The following LYRM7 variants were observed in gnomAD, a reference collection of about 807,000 sequenced individuals.
LYRM7 encodes the protein LYR motif containing 7, also known as complex III assembly factor LYRM7.
In LYRM7, 9 loss-of-function variants were observed where a neutral mutation model predicts 15.8. The ratio of observed to expected loss-of-function variants is 0.57; its 90% CI spans 0.34 to 0.99. The LOEUF (loss-of-function observed/expected upper bound fraction) is 0.99, where lower values mean the gene tolerates loss of function less well. Among genes scored for constraint, LYRM7 ranks in the 50% least tolerant of loss-of-function variants. The pLI is 0.02. For synonymous variants in LYRM7, 39 were observed against 39.4 expected (o/e 0.99, Z 0.04); for missense variants, 115 against 119.1 (o/e 0.97, Z 0.16).
chr5:131,200,020 A>C lies in LYRM7; in HGVS notation c.*419A>C, dbSNP rs1756033420. On this transcript the variant is annotated 3_prime_UTR_variant, in exon 5 of 5. Transcript: ENST00000379380. The stretch of plus-strand genomic sequence containing the variant: ...TTAAAATGATATTTAGTCCTGAAAA[A>C]TATTAAATTGGTCAAAAAAATCACA... The C allele has an allele frequency of 6.6e-6, 1 of 150,658 alleles. No homozygotes were observed. The highest frequency in any genetic ancestry group is 1.5e-5 in the Non-Finnish European group (1 of 67,990). The allele number at this position is 150,658 out of a possible 1,614,324, so 9.3% of individuals were successfully genotyped here. A position where few individuals can be genotyped will look rare whatever the true frequency, so the allele number is the denominator to read the frequency against.
intron 4 of LYRM7, among the ~76,000 whole-genome samples, chr5:131,193,821 TC>T (rs1310693533): frequency 6.6e-6 from 1 of 151,948 alleles, no homozygotes; most frequent in Non-Finnish European, 1.5e-5. Context: ...ACCAGCCTGA[TC>T]AACATGGAGA....
At chr5:131,196,795 T>G (rs1436784800) in intron 4 of LYRM7, among the ~76,000 whole-genome samples, 1 of 152,058 alleles carries the variant, frequency 6.6e-6, no homozygotes, top group Admixed American at 6.6e-5. Context: ...GCCTCCCTGG[T>G]AGCTGGTGCC....
intron 4 of LYRM7, among the ~76,000 whole-genome samples, chr5:131,193,490 T>C (rs1412325778): frequency 1.3e-5 from 2 of 152,234 alleles, no homozygotes; most frequent in Admixed American, 1.3e-4. Context: ...TTTCCCTAAT[T>C]TGAAGTCATC....
Position 131,200,878 on chromosome 5 carries a change from T to C in LYRM7, c.*1277T>C, listed in dbSNP as rs1756050684. On this transcript the variant is annotated 3_prime_UTR_variant, in exon 5 of 5. Transcript: ENST00000379380. Reference sequence around the variant, plus strand: ...ATTGAATATTTTATCACTGAGCTTTTTTCTTTAACCTGAATTCCCTGTTCC... The same window carrying C: ...ATTGAATATTTTATCACTGAGCTTTCTTCTTTAACCTGAATTCCCTGTTCC... 6.6e-6 allele frequency: 1 copy of C among 152,170 alleles called. No individual in the cohort carries two copies. The highest frequency in any genetic ancestry group is 2.1e-4 in the South Asian group (1 of 4,834). The allele number at this position is 152,170 out of a possible 1,614,324, so 9.4% of individuals were successfully genotyped here. A position where few individuals can be genotyped will look rare whatever the true frequency, so the allele number is the denominator to read the frequency against.
chr5:131,181,397 T>TAATATATACATATATATTA (rs200207805), intron 2 of LYRM7, among the ~76,000 whole-genome samples: 6 of 99,346 alleles, frequency 6.0e-5, no homozygotes, highest in African/African-American at 3.8e-4. Flanking sequence ...TACATATATA[T>TAATATATACATATATATTA]TATATATACA....
chr5:131,180,020 C>T (rs1755665412), intron 1 of LYRM7, 75 bp from the exon 2 acceptor site: 4 of 978,552 alleles, frequency 4.1e-6, no homozygotes, highest in Non-Finnish European at 6.4e-6. Flanking sequence ...GATCCTGCTA[C>T]CTCAACTTCC....
Position 131,197,384 on chromosome 5 carries a change from G to C in LYRM7, c.245-2147G>C, listed in dbSNP as rs2149666296. On this transcript the variant is annotated intron_variant, in intron 4 of 4. Transcript: ENST00000379380. ...AAAAGCAAGTGAGATATAAACAATG[G>C]TTAAATAATACTTATTTAACTGGTT... 3.3e-5 allele frequency among the ~76,000 whole-genome samples: 5 copies of C among 152,160 alleles called. 1 individual carries two copies. The East Asian group carries it at 9.6e-4, about 29-fold the overall frequency.
intron 1 of LYRM7, among the ~76,000 whole-genome samples, chr5:131,176,446 T>C (rs996270791): frequency 6.6e-5 from 10 of 152,290 alleles, no homozygotes; most frequent in Middle Eastern, 3.4e-3. Context: ...TGGTATCTCA[T>C]TGAGGTTTAG....
In LYRM7 at chr5:131,202,764, T is replaced by C. The variant is rs970847511; in HGVS notation, c.*3163T>C. The stretch of plus-strand genomic sequence containing the variant: ...CCCAAATATAATTTTGCTTTGACTA[T>C]TGAGATCTAGTGAAAGTGGGGTATA... On this transcript the variant is annotated 3_prime_UTR_variant, in exon 5 of 5. Transcript: ENST00000379380. The C allele has an allele frequency of 6.6e-6, 1 of 152,372 alleles. No individual in the cohort carries two copies. Among genetic ancestry groups the C allele is most frequent in the African/African-American group, 2.4e-5 (1 of 41,458 alleles). The allele number at this position is 152,372 out of a possible 1,614,324, so 9.4% of individuals were successfully genotyped here.
At chr5:131,173,426 T>C (rs1347820058) in intron 1 of LYRM7, among the ~76,000 whole-genome samples, 1 of 152,234 alleles carries the variant, frequency 6.6e-6, no homozygotes, top group African/African-American at 2.4e-5. Context: ...GTCTATTAAG[T>C]GTGCAGTAGC....
intron 2 of LYRM7, among the ~76,000 whole-genome samples, chr5:131,181,430 AC>A (rs1482862136): frequency 2.5e-5 from 3 of 119,004 alleles, no homozygotes; most frequent in Non-Finnish European, 4.8e-5. Flanking sequence ...TATATATATA[AC>A]ATATATATGT....
rs1329357645 is a variant in LYRM7 at position 131,203,109 on chromosome 5, A to T, written c.*3508A>T. 6.6e-6 allele frequency: 1 copy of T among 152,360 alleles called. No homozygotes were observed. The highest frequency in any genetic ancestry group is 1.5e-5 in the Non-Finnish European group (1 of 68,030). The allele number at this position is 152,360 out of a possible 1,614,324, so 9.4% of individuals were successfully genotyped here. A position where few individuals can be genotyped will look rare whatever the true frequency, so the allele number is the denominator to read the frequency against. ...ACCTATTGACAAAGCACATAATTTA[A>T]CCATAAACACAAAGCCATAGGTCAA... On this transcript the variant is annotated 3_prime_UTR_variant, in exon 5 of 5. Coordinates refer to ENST00000379380, the MANE Select transcript of LYRM7 (RefSeq NM_181705.4).
Position 131,199,564 on chromosome 5 carries a change from A to G in LYRM7, c.278A>G (p.Asn93Ser), listed in dbSNP as rs528669849. The G allele has an allele frequency of 1.1e-5, 17 of 1,606,346 alleles. No homozygotes were observed. The African/African-American group carries it at 1.6e-4, about 15-fold the overall frequency. The change falls in exon 5 of 5, where the codon AAT (asparagine) becomes AGT (serine). Residue 93 changes from asparagine (N) to serine (S), a missense_variant. Physicochemically the swap from Asn to Ser is conservative, Grantham distance 46. Coordinates refer to ENST00000379380, the MANE Select transcript of LYRM7 (RefSeq NM_181705.4). ...LVPRKDLLVE[N>S]VPYCDAPTQK... ...CCTAGGAAAGACCTTCTTGTAGAAA[A>G]TGTGCCATATTGTGATGCACCAACT...
chr5:131,171,356 C>T (rs780910017), intron 1 of LYRM7, among the ~76,000 whole-genome samples: 1 of 152,072 alleles, frequency 6.6e-6, no homozygotes, highest in Non-Finnish European at 1.5e-5. Flanking sequence ...TCTGAGGGAC[C>T]CATTTCATAT....
In LYRM7 at chr5:131,203,256, A is replaced by G. The variant is rs1756106750; in HGVS notation, c.*3655A>G. ...CAATCAGAAATGGAAAACAGATCCT[A>G]TTTATAATTGCAAACAAAACTGTAA... On this transcript the variant is annotated 3_prime_UTR_variant, in exon 5 of 5. Coordinates refer to ENST00000379380, the MANE Select transcript of LYRM7 (RefSeq NM_181705.4). 6.6e-6 allele frequency: 1 copy of G among 152,352 alleles called. No homozygotes were observed. The highest frequency in any genetic ancestry group is 2.4e-5 in the African/African-American group (1 of 41,468). 9.4% of individuals were successfully genotyped at this position (152,352 alleles called of 1,614,324 possible).
intron 4 of LYRM7, among the ~76,000 whole-genome samples, chr5:131,187,489 T>G (rs546071031): frequency 8.6e-5 from 13 of 151,922 alleles, no homozygotes; most frequent in Middle Eastern, 3.4e-3. Context: ...TTTTGTTTTT[T>G]TTTTGGGTTT....
rs1756147643 is a variant in LYRM7, at chr5:131,204,772, T to TG, written c.*5172dup. ...TGTGTGTGTGTGTGTAAGCAGGTGT[T>TG]GCTAGAAATTCACTTATATACAAGA... is the stretch of plus-strand genomic sequence containing the variant. On this transcript the variant is annotated 3_prime_UTR_variant, in exon 5 of 5. Coordinates refer to ENST00000379380, the MANE Select transcript of LYRM7 (RefSeq NM_181705.4). 1.3e-5 allele frequency: 2 copies of TG among 151,576 alleles called. No individual in the cohort carries two copies. Among genetic ancestry groups the TG allele is most frequent in the South Asian group, 4.1e-4 (2 of 4,820 alleles). 9.4% of individuals were successfully genotyped at this position (151,576 alleles called of 1,614,324 possible). A position where few individuals can be genotyped will look rare whatever the true frequency, so the allele number is the denominator to read the frequency against.
intron 4 of LYRM7, among the ~76,000 whole-genome samples, chr5:131,198,652 C>T (rs1025812415): frequency 4.6e-5 from 7 of 152,066 alleles, no homozygotes; most frequent in South Asian, 2.1e-4. Context: ...CTGCAACCTC[C>T]GCCTCCCATG....
chr5:131,173,601 A>G (rs923820939), intron 1 of LYRM7, among the ~76,000 whole-genome samples: 8 of 152,050 alleles, frequency 5.3e-5, no homozygotes, highest in African/African-American at 1.7e-4. Flanking sequence ...AAAATTAGCT[A>G]GGCTTGGTGG....
Sources: gnomAD v4.1 joint callset for allele counts (sites outside exome capture counted in the v4.1 genomes callset) on GRCh38, gnomAD v4.1.1 for gene constraint, MANE v1.5 for transcripts, NCBI Gene and HGNC (gene_info 2026-07-23, HGNC 2026-07-21) for gene names.